Variants in ID2 observed in about 807,000 individuals in gnomAD.
The protein encoded by ID2 is inhibitor of DNA binding 2.
ID2 carries 2 observed loss-of-function variants against 8.3 expected under a neutral mutation model. The ratio of observed to expected loss-of-function variants is 0.24; its 90% CI spans 0.10 to 0.76. The LOEUF is 0.76. ID2 is among the 30% of genes least tolerant of loss of function. The pLI is 0.73. For synonymous variants in ID2, 112 were observed against 72.3 expected (o/e 1.55, Z -2.79); for missense variants, 155 against 167.0 (o/e 0.93, Z 0.40).
rs1047861051 is a variant in ID2, at chr2:8,682,093, A to G, written c.-73A>G. On this transcript the variant is annotated 5_prime_UTR_variant, in exon 1 of 3. Coordinates refer to ENST00000396290, the MANE Select transcript of ID2 (RefSeq NM_002166.5). ...GCCCGGTGCCAAGCGCAGCTAGCTCAGCAGGCGGCAGCGGCGGCCTGAGCT... is the reference window on the plus strand; with the variant it reads ...GCCCGGTGCCAAGCGCAGCTAGCTCGGCAGGCGGCAGCGGCGGCCTGAGCT... 6 of 1,238,974 alleles carry G rather than the reference A, an allele frequency of 4.8e-6. No homozygotes were observed. The highest frequency in any genetic ancestry group is 2.3e-5 in the East Asian group (1 of 42,958). The allele number at this position is 1,238,974 out of a possible 1,614,324, so 76.7% of individuals were successfully genotyped here.
intron 2 of ID2, 42 bp downstream of exon 2, chr2:8,682,948 GGTGT>G (rs768347512): frequency 6.8e-7 from 1 of 1,474,966 alleles, no homozygotes; most frequent in Non-Finnish European, 9.5e-7. Context: ...ACTGCCCCTC[GGTGT>G]GTGTGCGCGC....
rs1397871724 is a variant in ID2, at chr2:8,684,425, A to C, written c.*748A>C. On this transcript the variant is annotated 3_prime_UTR_variant, in exon 3 of 3. Coordinates refer to ENST00000396290, the MANE Select transcript of ID2 (RefSeq NM_002166.5). ...AGTTCAAATTTATGTAGACTGTATA[A>C]GATTATAATAAAACATGTCTGAAGT... is the stretch of plus-strand genomic sequence containing the variant. 1 of 152,194 alleles carries C rather than the reference A, an allele frequency of 6.6e-6. No homozygotes were observed. Among genetic ancestry groups the C allele is most frequent in the Non-Finnish European group, 1.5e-5 (1 of 67,982 alleles). The allele number at this position is 152,194 out of a possible 1,614,324, so 9.4% of individuals were successfully genotyped here.
In ID2 at chr2:8,682,512, A is replaced by G. The variant is rs1302249872; in HGVS notation, c.347A>G (p.Gln116Arg). 3.1e-6 allele frequency: 5 copies of G among 1,609,538 alleles called. No individual in the cohort carries two copies. The highest frequency in any genetic ancestry group is 3.4e-6 in the Non-Finnish European group (4 of 1,177,346). ...LNTDISILSL[Q>R]ASEFPSELMS... ...ACGGATATCAGCATCCTGTCCTTGC[A>G]GGTAAGACCTGCTCCGGGGTCCCCG... Residue 116 changes from glutamine (Q) to arginine (R), a missense_variant and splice_region_variant, in exon 1 of 3, where the codon CAG becomes CGG. Around this residue, in one of 3 missense-constraint regions of ID2, gnomAD observed 75 missense variants for 72.2 expected, o/e 1.04. Transcript: ENST00000396290.
intron 2 of ID2, chr2:8,683,137 C>T: frequency 7.1e-6 from 4 of 565,506 alleles, no homozygotes; most frequent in South Asian, 6.2e-5. Flanking sequence ...CAATAACTTA[C>T]TACGAAGGCG....
In ID2 at chr2:8,682,875, T is replaced by C. The variant is rs1338574292; in HGVS notation, c.381T>C (p.Asn127=). Residue 127 remains asparagine (N), a synonymous_variant, in exon 2 of 3, where the codon AAT becomes AAC. Coordinates refer to ENST00000396290, the MANE Select transcript of ID2 (RefSeq NM_002166.5). ...ASEFPSELMS[N]DSKALCG ...AATTCCCTTCTGAGTTAATGTCAAA[T>C]GACAGCAAAGCACTGTGTGGCTGAA... is the stretch of plus-strand genomic sequence containing the variant. The C allele has an allele frequency of 1.3e-5, 21 of 1,613,922 alleles. No individual in the cohort carries two copies. The highest frequency in any genetic ancestry group is 1.5e-5 in the Non-Finnish European group (18 of 1,179,850).
rs1290327760 is a variant in ID2, at chr2:8,684,103, AGCCT to A, written c.*427_*430del. 6.6e-6 allele frequency: 1 copy of A among 152,358 alleles called. No homozygotes were observed. Among genetic ancestry groups the A allele is most frequent in the African/African-American group, 2.4e-5 (1 of 41,436 alleles). The allele number at this position is 152,358 out of a possible 1,614,324, so 9.4% of individuals were successfully genotyped here. A position where few individuals can be genotyped will look rare whatever the true frequency, so the allele number is the denominator to read the frequency against. On this transcript the variant is annotated 3_prime_UTR_variant, in exon 3 of 3. Coordinates refer to ENST00000396290, the MANE Select transcript of ID2 (RefSeq NM_002166.5). ...GGTCAGAAATTACCTTTTTGACACA[AGCCT>A]ACTGAATGCTGTGTATATATTTATA...
chr2:8,683,127 C>G, intron 2 of ID2: 1 of 575,272 alleles, frequency 1.7e-6, no homozygotes, highest in Non-Finnish European at 3.1e-6. Context: ...GAAATGATGC[C>G]AATAACTTAC....
At chr2:8,682,777 A>AC (rs1241225368) in intron 1 of ID2, 66 bp from the exon 2 acceptor site, 27 of 1,250,812 alleles carry the variant, frequency 2.2e-5, no homozygotes, top group South Asian at 6.4e-5. Context: ...AAAAAAAAAA[A>AC]AAAAAAAAAA....
Position 8,683,852 on chromosome 2 carries a change from C to T in ID2, c.*175C>T, listed in dbSNP as rs1392814821. 2 of 152,440 alleles carry T rather than the reference C, an allele frequency of 1.3e-5. No homozygotes were observed. Among genetic ancestry groups the T allele is most frequent in the East Asian group, 3.8e-4 (2 of 5,202 alleles). The allele number at this position is 152,440 out of a possible 1,614,324, so 9.4% of individuals were successfully genotyped here. A position where few individuals can be genotyped will look rare whatever the true frequency, so the allele number is the denominator to read the frequency against. On this transcript the variant is annotated 3_prime_UTR_variant, in exon 3 of 3. Coordinates refer to ENST00000396290, the MANE Select transcript of ID2 (RefSeq NM_002166.5). ...GGAAAACTAAGAATGATCATCTTCC[C>T]AGGGTGTTCTCTTACTTGGACTGTG...
In ID2 at chr2:8,682,446, G is replaced by C; in HGVS notation, c.281G>C (p.Gly94Ala). Reference sequence around the variant, plus strand: ...GTCAGCCTGCATCACCAGAGACCCGGGCAGAACCAGGCGTCCAGGACGCCG... The same window carrying C: ...GTCAGCCTGCATCACCAGAGACCCGCGCAGAACCAGGCGTCCAGGACGCCG... The part of the protein sequence containing the change: ...TIVSLHHQRP[G>A]QNQASRTPLT... The change falls in exon 1 of 3, where the codon GGG (glycine) becomes GCG (alanine). Residue 94 changes from glycine to alanine, a missense_variant. By Grantham distance (60) the Gly-to-Ala change is moderately conservative. This residue lies in a region of ID2 where 75 missense variants were observed against 72.2 expected (regional missense o/e 1.04). Coordinates refer to ENST00000396290, the MANE Select transcript of ID2 (RefSeq NM_002166.5). 6.2e-7 allele frequency: 1 copy of C among 1,613,544 alleles called. No individual in the cohort carries two copies. The highest frequency in any genetic ancestry group is 1.1e-5 in the South Asian group (1 of 91,084).
At chr2:8,682,577 C>G (rs904551848) in intron 1 of ID2, 64 bp downstream of exon 1, 5 of 1,199,328 alleles carry the variant, frequency 4.2e-6, no homozygotes, top group Non-Finnish European at 6.0e-6. Context: ...TGGGCTGTCA[C>G]TAGGAGATCC....
intron 1 of ID2, 77 bp from the exon 2 acceptor site, chr2:8,682,766 A>G: frequency 6.0e-6 from 5 of 832,600 alleles, no homozygotes; most frequent in Non-Finnish European, 8.7e-6. Context: ...GGACTACAAA[A>G]AAAAAAAAAA....
chr2:8,683,614 GCGCCAGT>G (rs1046914887), intron 2 of ID2, 64 bp from the exon 3 acceptor site: 4 of 152,262 alleles, frequency 2.6e-5, no homozygotes, highest in African/African-American at 9.7e-5. Context: ...CTTCCTCCCG[GCGCCAGT>G]CGCCCGCCTC....
At position 8,682,831 on chromosome 2, in the gene ID2, CT is replaced by C; in HGVS notation, c.349-9del. ...GTCTTAACCTCGTACTCTTTATCCTCTTTCTTTCCAGGCTTCTGAATTCCCT... is the reference window on the plus strand; with the variant it reads ...GTCTTAACCTCGTACTCTTTATCCTCTTCTTTCCAGGCTTCTGAATTCCCT... On this transcript the variant is annotated splice_polypyrimidine_tract_variant and intron_variant, in intron 1 of 2. Coordinates refer to ENST00000396290, the MANE Select transcript of ID2 (RefSeq NM_002166.5). 1 of 1,590,770 alleles carries C rather than the reference CT, an allele frequency of 6.3e-7. No homozygotes were observed. Among genetic ancestry groups the C allele is most frequent in the South Asian group, 1.1e-5 (1 of 90,592 alleles).
chr2:8,683,371 C>T (rs572438956), intron 2 of ID2, among the ~76,000 whole-genome samples: 2 of 152,150 alleles, frequency 1.3e-5, no homozygotes, highest in Non-Finnish European at 2.9e-5. Flanking sequence ...CCCAGACTTC[C>T]CTATCTGTTA....
chr2:8,682,547 C>T (rs1662111400), intron 1 of ID2, 34 bp downstream of exon 1: 1 of 1,503,214 alleles, frequency 6.7e-7, no homozygotes, highest in Non-Finnish European at 9.2e-7. Flanking sequence ...GCCCCGCCGC[C>T]GCACACTCCC....
Position 8,683,805 on chromosome 2 carries a change from T to C in ID2, c.*128T>C, listed in dbSNP as rs1460596655. 6.7e-6 allele frequency: 1 copy of C among 148,966 alleles called. No homozygotes were observed. Among genetic ancestry groups the C allele is most frequent in the African/African-American group, 2.6e-5 (1 of 39,080 alleles). 9.2% of individuals were successfully genotyped at this position (148,966 alleles called of 1,614,324 possible). On this transcript the variant is annotated 3_prime_UTR_variant, in exon 3 of 3. Transcript: ENST00000396290. ...GGAGGACAAGTTGAATGGACCTTTT[T>C]AAAAAGAAAAAAAAAATGGAAGGAA...
chr2:8,683,753 T>A lies in ID2; in HGVS notation c.*76T>A, dbSNP rs1052108387. 4.6e-5 allele frequency: 7 copies of A among 152,580 alleles called. No homozygotes were observed. Among genetic ancestry groups the A allele is most frequent in the African/African-American group, 1.2e-4 (5 of 41,448 alleles). 9.5% of individuals were successfully genotyped at this position (152,580 alleles called of 1,614,324 possible). On this transcript the variant is annotated 3_prime_UTR_variant, in exon 3 of 3. Transcript: ENST00000396290. ...CAAATTCACGGAATCTTTTAAGTGC[T>A]GAACTTATTTTTCAACCATTTCACA...
At position 8,682,830 on chromosome 2, in the gene ID2, T is replaced by C; in HGVS notation, c.349-13T>C. 1.3e-6 allele frequency: 2 copies of C among 1,588,742 alleles called. No homozygotes were observed. The highest frequency in any genetic ancestry group is 1.7e-4 in the Middle Eastern group (1 of 6,018). ...TGTCTTAACCTCGTACTCTTTATCC[T>C]CTTTCTTTCCAGGCTTCTGAATTCC... is the stretch of plus-strand genomic sequence containing the variant. On this transcript the variant is annotated splice_polypyrimidine_tract_variant and intron_variant, in intron 1 of 2. Coordinates refer to ENST00000396290, the MANE Select transcript of ID2 (RefSeq NM_002166.5).
Sources: allele counts gnomAD v4.1 joint callset (sites outside exome capture counted in the v4.1 genomes callset), GRCh38; gene constraint gnomAD v4.1.1; regional missense constraint gnomAD v4.1.1; transcripts MANE v1.5; gene names NCBI Gene and HGNC (gene_info 2026-07-23, HGNC 2026-07-21).